CACNA1C: variants seen among roughly 807,000 people sequenced by gnomAD.
CACNA1C encodes calcium voltage-gated channel subunit alpha1 C, also known as voltage-dependent L-type calcium channel subunit alpha-1C.
Under a neutral mutation model 229.0 loss-of-function variants are expected in CACNA1C, and 30 were observed. That is an observed-to-expected ratio of 0.13 (90% CI 0.10 to 0.18). CACNA1C has a LOEUF of 0.18. Ranked by LOEUF, CACNA1C falls within the 10% of genes least tolerant of loss-of-function variation. CACNA1C has a pLI of 1.00. For synonymous variants in CACNA1C, 1,114 were observed against 1,132.5 expected, an observed-to-expected ratio of 0.98 and a Z score of 0.33; for missense variants, 1,658 against 2,845.0, an observed-to-expected ratio of 0.58 and a Z score of 9.49.
chr12:2,444,416 T>C (rs2154561669), intron 3 of CACNA1C, among the ~76,000 whole-genome samples: 2 of 152,318 alleles, frequency 1.3e-5, no homozygotes, highest in Middle Eastern at 6.8e-3. Context: ...AGGGACTTTC[T>C]TGGGGATGAG....
chr12:2,604,935 C>T (rs1332506695), intron 22 of CACNA1C, 146 bp from the exon 23 acceptor site: 3 of 684,314 alleles, frequency 4.4e-6, no homozygotes, highest in Non-Finnish European at 5.3e-6. Context: ...AGAGAGTGGT[C>T]CCAGAATGCG....
intron 37 of CACNA1C, among the ~76,000 whole-genome samples, chr12:2,667,297 C>T (rs902997927): frequency 1.7e-4 from 26 of 151,876 alleles, no homozygotes; most frequent in Non-Finnish European, 7.4e-5. Context: ...CTCCTTTTCT[C>T]CCTCCTCTCC....
intron 3 of CACNA1C, among the ~76,000 whole-genome samples, chr12:2,401,363 A>C (rs2098674608): frequency 6.6e-6 from 1 of 152,198 alleles, no homozygotes; most frequent in Admixed American, 6.5e-5. Flanking sequence ...ACCTTTAAAG[A>C]AAAAAATTAT....
chr12:2,686,382 G>A, intron 45 of CACNA1C, 113 bp downstream of exon 45: 2 of 863,690 alleles, frequency 2.3e-6, no homozygotes, highest in South Asian at 1.3e-5. Flanking sequence ...CAGATGGCTG[G>A]CACGTCCTGC....
At chr12:2,174,778 G>A (rs898053745) in intron 3 of CACNA1C, among the ~76,000 whole-genome samples, 13 of 152,198 alleles carry the variant, frequency 8.5e-5, no homozygotes, top group Non-Finnish European at 1.5e-4. Context: ...CACATATTTT[G>A]TATGTTGTAT....
chr12:2,246,651 G>A (rs2073391544), intron 3 of CACNA1C, among the ~76,000 whole-genome samples: 1 of 152,106 alleles, frequency 6.6e-6, no homozygotes, highest in African/African-American at 2.4e-5. Context: ...GCGAGTGTGG[G>A]GGCTGTGGTG....
In CACNA1C at chr12:2,436,401, A is replaced by C. The variant is rs189330520; in HGVS notation, c.478-12575A>C. Among the ~76,000 whole-genome samples, 215 of 152,294 alleles carry C rather than the reference A, an allele frequency of 1.4e-3. 1 individual carries two copies. Among genetic ancestry groups the C allele is most frequent in the African/African-American group, 4.9e-3 (202 of 41,568 alleles). On this transcript the variant is annotated intron_variant, in intron 3 of 46. Coordinates refer to ENST00000399655, the MANE Select transcript of CACNA1C (RefSeq NM_000719.7). ...TCCGCCTCCTCACCCCGGCCTCTCT[A>C]AGAGCTGTAACGTTACTGCCTCCCT... is the stretch of plus-strand genomic sequence containing the variant.
intron 3 of CACNA1C, among the ~76,000 whole-genome samples, chr12:2,312,032 C>T (rs956456685): frequency 1.2e-4 from 19 of 152,112 alleles, no homozygotes; most frequent in Admixed American, 5.2e-4. Flanking sequence ...ATTTCCCCCA[C>T]GTAATACAAG....
At chr12:2,521,488 G>A (rs2099809874) in intron 9 of CACNA1C, among the ~76,000 whole-genome samples, 1 of 152,160 alleles carries the variant, frequency 6.6e-6, no homozygotes. Context: ...GGAGCATGAA[G>A]GCCCTCTTCC....
In CACNA1C at chr12:2,067,482, G is replaced by GTGTGTGCA. The variant is rs1555107491; in HGVS notation, c.49+13871_49+13872insTGTGTGCA. ...TGTGTGTGTGTGTGTGTGTGTGTGT[G>GTGTGTGCA]CGCGCGTGTGCGTGCCTGTATGTAA... On this transcript the variant is annotated intron_variant, in intron 1 of 46. Coordinates refer to ENST00000399655, the MANE Select transcript of CACNA1C (RefSeq NM_000719.7). The surrounding 1 kb of genome is among the most constrained non-coding windows in gnomAD (Gnocchi z 5.3). 2.9e-3 allele frequency among the ~76,000 whole-genome samples: 51 copies of GTGTGTGCA among 17,360 alleles called. No homozygotes were observed. Among genetic ancestry groups the GTGTGTGCA allele is most frequent in the African/African-American group, 3.7e-3 (47 of 12,870 alleles). 11.4% of individuals were successfully genotyped at this position (17,360 alleles called of 152,430 possible). A position where few individuals can be genotyped will look rare whatever the true frequency, so the allele number is the denominator to read the frequency against.
At chr12:2,567,930 G>A (rs967949403) in intron 13 of CACNA1C, 136 bp downstream of exon 13, 1 of 594,880 alleles carries the variant, frequency 1.7e-6, no homozygotes, top group African/African-American at 1.9e-5. Context: ...ACATGCAATG[G>A]GGGTAGTTTG....
chr12:2,487,009 T>C (rs1427572936), intron 6 of CACNA1C, among the ~76,000 whole-genome samples: 2 of 152,226 alleles, frequency 1.3e-5, no homozygotes, highest in Non-Finnish European at 2.9e-5. Context: ...ACTGGAGTTT[T>C]GGCTTGCAGG....
chr12:2,097,711 G>T (rs1339661921), intron 1 of CACNA1C, among the ~76,000 whole-genome samples: 2 of 152,202 alleles, frequency 1.3e-5, no homozygotes, highest in Admixed American at 1.3e-4. Context: ...AGCTTGCCCT[G>T]TAAGCACAGG....
At chr12:2,550,971 C>T (rs1242018325) in intron 10 of CACNA1C, among the ~76,000 whole-genome samples, 5 of 152,168 alleles carry the variant, frequency 3.3e-5, no homozygotes, top group Admixed American at 2.6e-4. Context: ...TCAGCATTGT[C>T]GGGAAGCAAT....
chr12:2,504,561 C>G lies in CACNA1C; in HGVS notation c.1114-281C>G, dbSNP rs755755290. 1 of 1,390,176 alleles carries G rather than the reference C, an allele frequency of 7.2e-7. No individual in the cohort carries two copies. The highest frequency in any genetic ancestry group is 1.2e-5 in the South Asian group (1 of 86,510). 86.1% of individuals were successfully genotyped at this position (1,390,176 alleles called of 1,614,324 possible). Reference sequence around the variant, plus strand: ...GCGGGTAAGCTGACCGTTTCTATGTCCTCTCCACAACGCAGCCGAGCAAGG... The same window carrying G: ...GCGGGTAAGCTGACCGTTTCTATGTGCTCTCCACAACGCAGCCGAGCAAGG... On this transcript the variant is annotated intron_variant, in intron 7 of 46. Transcript: ENST00000399655. This position sits in a 1 kb window ranked among gnomAD's most constrained non-coding sequence, Gnocchi z 6.8.
At chr12:2,091,973 G>A (rs992489853) in intron 1 of CACNA1C, among the ~76,000 whole-genome samples, 4 of 152,188 alleles carry the variant, frequency 2.6e-5, no homozygotes. Context: ...GGAGGTGGGT[G>A]GGCCAGGTGC....
At chr12:2,233,301 A>G (rs1041941408) in intron 3 of CACNA1C, among the ~76,000 whole-genome samples, 1 of 152,248 alleles carries the variant, frequency 6.6e-6, no homozygotes, top group Non-Finnish European at 1.5e-5. Context: ...TATTGAATTA[A>G]AGTTATGAAT....
At chr12:2,160,210 G>A (rs946849739) in intron 3 of CACNA1C, among the ~76,000 whole-genome samples, 7 of 152,142 alleles carry the variant, frequency 4.6e-5, no homozygotes, top group African/African-American at 9.7e-5. Flanking sequence ...GAAGTGGTAC[G>A]TTTTGCTTTT....
At position 2,662,053 on chromosome 12, in the gene CACNA1C, T is replaced by G. The variant is rs533119414; in HGVS notation, c.4233-2772T>G. Among the ~76,000 whole-genome samples the G allele has an allele frequency of 5.3e-5, 8 of 152,138 alleles. No individual in the cohort carries two copies. The East Asian group carries it at 5.8e-4, about 11-fold the overall frequency. On this transcript the variant is annotated intron_variant, in intron 34 of 46. Coordinates refer to ENST00000399655, the MANE Select transcript of CACNA1C (RefSeq NM_000719.7). The stretch of plus-strand genomic sequence containing the variant: ...GTCAGGAGATCGAGACCATCCTGGC[T>G]AACACCGTGAAACCCCGTCTCTACT...
Sources: allele counts gnomAD v4.1 joint callset (sites outside exome capture counted in the v4.1 genomes callset), GRCh38; gene constraint gnomAD v4.1.1; non-coding constraint Gnocchi (gnomAD v3.1); transcripts MANE v1.5; gene names NCBI Gene and HGNC (gene_info 2026-07-23, HGNC 2026-07-21).